The following TTC4 variants were observed in gnomAD, a reference collection of about 807,000 sequenced individuals.
The protein encoded by TTC4 is hsp70/Hsp90 co-chaperone CNS1 homolog.
TTC4 carries 36 observed loss-of-function variants against 51.9 expected under a neutral mutation model. The ratio of observed to expected loss-of-function variants is 0.69; its 90% confidence interval spans 0.53 to 0.92. The LOEUF is 0.92. TTC4 is among the 40% of genes least tolerant of loss of function. The pLI is 0.00. For synonymous variants in TTC4, 144 were observed against 164.2 expected, an observed-to-expected ratio of 0.88 and a Z score of 0.94; for missense variants, 399 against 454.6, an observed-to-expected ratio of 0.88 and a Z score of 1.11.
chr1:54,732,383 GACTTA>G (rs1421203733), intron 7 of TTC4, among the ~76,000 whole-genome samples: 13 of 148,906 alleles, frequency 8.7e-5, no homozygotes, highest in Non-Finnish European at 1.2e-4. Flanking sequence ...ATATATATCA[GACTTA>G]ACTTGTGATT....
At chr1:54,716,047 G>A (rs756599812) in intron 1 of TTC4, 28 bp downstream of exon 1, 22 of 1,542,008 alleles carry the variant, frequency 1.4e-5, no homozygotes, top group Non-Finnish European at 1.8e-5. Context: ...CTCCCCACGT[G>A]TGTAGGGGCG....
At chr1:54,737,483 A>G (rs3737830) in intron 8 of TTC4, 99 bp from the exon 9 acceptor site, 82,916 of 1,062,844 alleles carry the variant, frequency 0.078, 5,449 homozygotes, top group African/African-American at 0.27. Flanking sequence ...GCATTCAACT[A>G]CTAACCGTTG....
At chr1:54,728,312 C>G (rs759596854) in intron 5 of TTC4, 34 bp from the exon 6 acceptor site, 3 of 1,589,910 alleles carry the variant, frequency 1.9e-6, no homozygotes, top group Non-Finnish European at 2.6e-6. Flanking sequence ...GAAGCCAGGT[C>G]TCTAGAGCTG....
intron 8 of TTC4, among the ~76,000 whole-genome samples, chr1:54,735,323 A>T (rs553026222): frequency 6.6e-6 from 1 of 152,058 alleles, no homozygotes; most frequent in African/African-American, 2.4e-5. Flanking sequence ...GGTCCAAGCG[A>T]TTCTCCTGCC....
chr1:54,717,878 C>T (rs1302356781), intron 3 of TTC4: 4 of 379,736 alleles, frequency 1.1e-5, no homozygotes, highest in Non-Finnish European at 1.8e-5. Flanking sequence ...GACTTGGTCA[C>T]TCAAGTAAGG....
chr1:54,727,863 C>T (rs1472805904), intron 5 of TTC4, among the ~76,000 whole-genome samples: 3 of 152,048 alleles, frequency 2.0e-5, no homozygotes, highest in East Asian at 1.9e-4. Context: ...CAAAGACACA[C>T]AAATGGCCAA....
intron 5 of TTC4, among the ~76,000 whole-genome samples, chr1:54,727,327 T>C (rs1645812113): frequency 6.6e-6 from 1 of 152,014 alleles, no homozygotes; most frequent in Admixed American, 6.6e-5. Context: ...AGCTAGAACT[T>C]TACCTCATAC....
chr1:54,724,731 T>TATC (rs1286649434), intron 5 of TTC4, among the ~76,000 whole-genome samples: 1 of 152,210 alleles, frequency 6.6e-6, no homozygotes, highest in East Asian at 1.9e-4. Flanking sequence ...AAATATCAAC[T>TATC]ATCTCAGTAA....
intron 5 of TTC4, among the ~76,000 whole-genome samples, chr1:54,727,878 C>G (rs140421709): frequency 3.7e-3 from 566 of 152,150 alleles, no homozygotes; most frequent in Non-Finnish European, 6.6e-3. Flanking sequence ...GGCCAAAAAG[C>G]ACATGAAAAG....
intron 5 of TTC4, 91 bp from the exon 6 acceptor site, chr1:54,728,255 A>G (rs1045302723): frequency 1.3e-5 from 15 of 1,156,966 alleles, no homozygotes; most frequent in African/African-American, 1.1e-4. Flanking sequence ...TGGGTTGGAT[A>G]GAGGCCAGAG....
intron 9 of TTC4, among the ~76,000 whole-genome samples, chr1:54,740,323 A>T (rs1645997096): frequency 6.6e-6 from 1 of 152,192 alleles, no homozygotes; most frequent in African/African-American, 2.4e-5. Flanking sequence ...AGGGGTGTCC[A>T]GCTAGTCTTA....
At chr1:54,731,218 G>GT (rs77068739) in intron 6 of TTC4, among the ~76,000 whole-genome samples, 10 of 149,730 alleles carry the variant, frequency 6.7e-5, no homozygotes, top group Non-Finnish European at 8.9e-5. Context: ...TTGTTATGGT[G>GT]TTTTTTTTTG....
chr1:54,736,275 T>C (rs1645940566), intron 8 of TTC4, among the ~76,000 whole-genome samples: 1 of 91,992 alleles, frequency 1.1e-5, no homozygotes, highest in Non-Finnish European at 2.1e-5. Flanking sequence ...AGAGAGACCA[T>C]GAAGTCTCAT....
chr1:54,734,999 G>A (rs1311100848), intron 8 of TTC4, among the ~76,000 whole-genome samples: 1 of 151,826 alleles, frequency 6.6e-6, no homozygotes, highest in Non-Finnish European at 1.5e-5. Flanking sequence ...ATCACATACT[G>A]TATTTAGTGA....
rs192470829 is a variant in TTC4 at position 54,725,330 on chromosome 1, C to G, written c.594+2531C>G. On this transcript the variant is annotated intron_variant, in intron 5 of 9. Transcript: ENST00000371281. The stretch of plus-strand genomic sequence containing the variant: ...GTAGAAGCTGAAGCAGTGGATAACA[C>G]TGGAGCAAACAATAGGTGCATCATA... Among the ~76,000 whole-genome samples, 53 of 152,318 alleles carry G rather than the reference C, an allele frequency of 3.5e-4. 1 individual carries two copies. The East Asian group carries it at 9.4e-3, about 27-fold the overall frequency.
In TTC4 at chr1:54,717,592, T is replaced by C. The variant is rs771690409; in HGVS notation, c.330T>C (p.Cys110=). Residue 110 remains cysteine (C), a synonymous_variant, in exon 3 of 10, where the codon TGT becomes TGC. Coordinates refer to ENST00000371281, the MANE Select transcript of TTC4 (RefSeq NM_004623.5). ...ACACTGAAGGCTTAAAGAAGAAATG[T>C]GCAGATCCTGATTTGAATGCTGTCC... is the stretch of plus-strand genomic sequence containing the variant. The part of the protein sequence containing the change: ...ISYTEGLKKK[C]ADPDLNAVLY... The C allele has an allele frequency of 2.5e-6, 4 of 1,612,286 alleles. No individual in the cohort carries two copies. Among genetic ancestry groups the C allele is most frequent in the Non-Finnish European group, 3.4e-6 (4 of 1,179,366 alleles).
Position 54,741,802 on chromosome 1 carries a change from G to A in TTC4, c.*289G>A. 1 of 447,902 alleles carries A rather than the reference G, an allele frequency of 2.2e-6. No homozygotes were observed. Among genetic ancestry groups the A allele is most frequent in the Non-Finnish European group, 4.1e-6 (1 of 246,230 alleles). 27.7% of individuals were successfully genotyped at this position (447,902 alleles called of 1,614,324 possible). On this transcript the variant is annotated 3_prime_UTR_variant, in exon 10 of 10. Transcript: ENST00000371281. ...CTGCAGTTACCACAGCAACTGACCTGAGCGGCACCCTGGTCTGTGGAGATG... is the reference window on the plus strand; with the variant it reads ...CTGCAGTTACCACAGCAACTGACCTAAGCGGCACCCTGGTCTGTGGAGATG...
chr1:54,732,390 CTT>C (rs1645877777), intron 7 of TTC4, among the ~76,000 whole-genome samples: 1 of 146,770 alleles, frequency 6.8e-6, no homozygotes, highest in South Asian at 2.1e-4. Context: ...TCAGACTTAA[CTT>C]GTGATTTCAT....
chr1:54,731,742 T>A, intron 7 of TTC4, 42 bp downstream of exon 7: 2 of 1,585,290 alleles, frequency 1.3e-6, no homozygotes, highest in Non-Finnish European at 1.7e-6. Flanking sequence ...GCTTGCATGC[T>A]GTCTCTGTTT....
Sources: allele counts gnomAD v4.1 joint callset (sites outside exome capture counted in the v4.1 genomes callset), GRCh38; gene constraint gnomAD v4.1.1; transcripts MANE v1.5; gene names NCBI Gene and HGNC (gene_info 2026-07-23, HGNC 2026-07-21).